ADAM22: variants seen among roughly 807,000 people sequenced by gnomAD.
ADAM22 encodes ADAM metallopeptidase domain 22, also known as disintegrin and metalloproteinase domain-containing protein 22.
In ADAM22, 65 loss-of-function variants were observed where a neutral mutation model predicts 144.6. The ratio of observed to expected loss-of-function variants is 0.45; its 90% CI spans 0.37 to 0.55. ADAM22 has a LOEUF of 0.55. ADAM22 is among the 20% of genes least tolerant of loss of function. The pLI is 0.00. For missense variants in ADAM22, 974 were observed against 1,184.9 expected, an observed-to-expected ratio of 0.82 and a Z score of 2.61; for synonymous variants, 391 against 412.6, an observed-to-expected ratio of 0.95 and a Z score of 0.63.
chr7:88,047,479 G>A (rs1434566528), intron 3 of ADAM22, among the ~76,000 whole-genome samples: 1 of 152,000 alleles, frequency 6.6e-6, no homozygotes, highest in Non-Finnish European at 1.5e-5. Context: ...ATGATACATT[G>A]GGATTTGATT....
chr7:88,157,462 G>A (rs1422407468), intron 22 of ADAM22, among the ~76,000 whole-genome samples: 3 of 152,030 alleles, frequency 2.0e-5, no homozygotes, highest in Non-Finnish European at 2.9e-5. Context: ...TTGTACTCTG[G>A]CAAAATATCA....
intron 26 of ADAM22, among the ~76,000 whole-genome samples, chr7:88,178,017 A>G (rs1846097196): frequency 6.6e-6 from 1 of 152,176 alleles, no homozygotes; most frequent in Admixed American, 6.5e-5. Flanking sequence ...CACTACTGAC[A>G]AATGACCAGA....
At chr7:88,136,737 G>A (rs1833074807) in intron 14 of ADAM22, among the ~76,000 whole-genome samples, 1 of 151,222 alleles carries the variant, frequency 6.6e-6, no homozygotes, top group Admixed American at 6.6e-5. Flanking sequence ...TTGGGTGATG[G>A]GCGCACCAAA....
At chr7:87,983,793 G>A (rs537162339) in intron 3 of ADAM22, among the ~76,000 whole-genome samples, 28 of 151,994 alleles carry the variant, frequency 1.8e-4, no homozygotes, top group African/African-American at 6.8e-4. Flanking sequence ...AGTCTTTATT[G>A]TGTTAAAGCA....
chr7:88,171,565 T>G lies in ADAM22; in HGVS notation c.2300+4T>G. ...AAAGAAACTATCGAGAACAGAGGTATGTAATACAAATAATGTGAACATAAA... is the reference window on the plus strand; with the variant it reads ...AAAGAAACTATCGAGAACAGAGGTAGGTAATACAAATAATGTGAACATAAA... On this transcript the variant is annotated splice_donor_region_variant and intron_variant, in intron 26 of 31. Coordinates refer to ENST00000413139, the MANE Select transcript of ADAM22 (RefSeq NM_001324418.2). The G allele has an allele frequency of 1.3e-6, 2 of 1,583,192 alleles. No homozygotes were observed. Among genetic ancestry groups the G allele is most frequent in the Non-Finnish European group, 1.7e-6 (2 of 1,169,068 alleles).
chr7:87,935,130 G>A lies in ADAM22; in HGVS notation c.190G>A (p.Glu64Lys). Residue 64 changes from glutamate to lysine, a missense_variant, in exon 2 of 32, where the codon GAA becomes AAA. Physicochemically the swap from Glu to Lys is moderately conservative, Grantham distance 56 (BLOSUM62 1). Coordinates refer to ENST00000413139, the MANE Select transcript of ADAM22 (RefSeq NM_001324418.2). Reference protein sequence around the residue: ...RLIYRSGGEDESRHDALDTRV... With the variant: ...RLIYRSGGEDKSRHDALDTRV... ...CATCTACCGCTCGGGCGGCGAAGAC[G>A]AAAGTCGGCACGACGCGCTCGACAC... 1 of 1,613,646 alleles carries A rather than the reference G, an allele frequency of 6.2e-7. No homozygotes were observed. The highest frequency in any genetic ancestry group is 8.5e-7 in the Non-Finnish European group (1 of 1,179,878).
intron 3 of ADAM22, among the ~76,000 whole-genome samples, chr7:87,985,095 C>A (rs910483671): frequency 2.7e-5 from 4 of 150,878 alleles, no homozygotes; most frequent in African/African-American, 9.8e-5. Flanking sequence ...GGGCGGATCA[C>A]AAGGTCAGGA....
intron 30 of ADAM22, among the ~76,000 whole-genome samples, chr7:88,191,289 C>T (rs895061988): frequency 6.6e-6 from 1 of 152,138 alleles, no homozygotes; most frequent in Non-Finnish European, 1.5e-5. Flanking sequence ...CCATTTGGAC[C>T]CATGGCCAAG....
chr7:87,949,173 G>A (rs1844428805), intron 2 of ADAM22, among the ~76,000 whole-genome samples: 1 of 152,188 alleles, frequency 6.6e-6, no homozygotes, highest in Non-Finnish European at 1.5e-5. Context: ...AGCAGAGCCA[G>A]GGCCTGTGTT....
chr7:88,169,467 T>C lies in ADAM22; in HGVS notation c.2282+1240T>C, dbSNP rs113418073. ...TACAAAACTTATCCTGGCAGTAAACTAATTGCTCTCCCTTTTCAGCTAAAT... is the reference window on the plus strand; with the variant it reads ...TACAAAACTTATCCTGGCAGTAAACCAATTGCTCTCCCTTTTCAGCTAAAT... On this transcript the variant is annotated intron_variant, in intron 25 of 31. Coordinates refer to ENST00000413139, the MANE Select transcript of ADAM22 (RefSeq NM_001324418.2). Among the ~76,000 whole-genome samples the C allele has an allele frequency of 3.9e-5, 6 of 152,182 alleles. No individual in the cohort carries two copies. In the East Asian group the frequency reaches 1.2e-3, roughly 30 times the overall value.
intron 8 of ADAM22, among the ~76,000 whole-genome samples, chr7:88,127,694 T>C (rs1830753719): frequency 6.6e-6 from 1 of 152,024 alleles, no homozygotes; most frequent in South Asian, 2.1e-4. Flanking sequence ...AACAAACATA[T>C]ATGTATTGAT....
intron 3 of ADAM22, among the ~76,000 whole-genome samples, chr7:88,053,265 A>G (rs1807013564): frequency 6.6e-6 from 1 of 152,032 alleles, no homozygotes; most frequent in Non-Finnish European, 1.5e-5. Flanking sequence ...CAAGAGTTGG[A>G]GACCAGCTTG....
intron 3 of ADAM22, among the ~76,000 whole-genome samples, chr7:87,995,126 T>C (rs1790841798): frequency 6.6e-6 from 1 of 152,204 alleles, no homozygotes. Context: ...TGGTAACACA[T>C]AGCTATGGAT....
chr7:88,015,235 G>C (rs1356704975), intron 3 of ADAM22, among the ~76,000 whole-genome samples: 2 of 152,174 alleles, frequency 1.3e-5, no homozygotes, highest in Non-Finnish European at 2.9e-5. Context: ...ACCCTAATAA[G>C]TGTTATCTGT....
intron 26 of ADAM22, among the ~76,000 whole-genome samples, chr7:88,172,367 T>G (rs981034265): frequency 9.9e-5 from 15 of 151,902 alleles, no homozygotes; most frequent in African/African-American, 3.1e-4. Flanking sequence ...ATTAAAATAT[T>G]ATCCTGGAAA....
chr7:88,005,720 A>T (rs142013485), intron 3 of ADAM22, among the ~76,000 whole-genome samples: 1 of 152,186 alleles, frequency 6.6e-6, no homozygotes. Flanking sequence ...ATATGATACA[A>T]GGCTAGGTCC....
At chr7:87,945,343 AT>A (rs1477413831) in intron 2 of ADAM22, among the ~76,000 whole-genome samples, 1 of 152,038 alleles carries the variant, frequency 6.6e-6, no homozygotes, top group Non-Finnish European at 1.5e-5. Context: ...TAGATTGTGA[AT>A]TTTCAAGGTT....
chr7:88,193,612 T>C (rs1166519768), intron 31 of ADAM22, among the ~76,000 whole-genome samples: 16 of 152,188 alleles, frequency 1.1e-4, no homozygotes. Flanking sequence ...CGAGATACAG[T>C]GGAGCTTAGA....
At chr7:88,075,976 G>A (rs117846695) in intron 4 of ADAM22, among the ~76,000 whole-genome samples, 4,416 of 152,088 alleles carry the variant, frequency 0.029, 95 homozygotes, top group South Asian at 0.07. Context: ...GGTTTTTGTC[G>A]TTACTTTTAA....
Sources: allele counts gnomAD v4.1 joint callset (sites outside exome capture counted in the v4.1 genomes callset), GRCh38; gene constraint gnomAD v4.1.1; transcripts MANE v1.5; gene names NCBI Gene and HGNC (gene_info 2026-07-23, HGNC 2026-07-21).